Variants in DGKI observed in about 807,000 individuals in gnomAD.
The protein encoded by DGKI is DAG kinase iota.
DGKI carries 55 observed loss-of-function variants against 147.5 expected under a neutral mutation model. The observed-to-expected ratio is 0.37, with a 90% CI of 0.30 to 0.47. The LOEUF is 0.47. Among genes scored for constraint, DGKI ranks in the 20% least tolerant of loss-of-function variants. The probability of loss-of-function intolerance (pLI) is 1.00; values close to 1 mark genes in which losing one functional copy is unlikely to be tolerated. For synonymous variants in DGKI, 469 were observed against 477.1 expected (o/e 0.98, Z 0.22); for missense variants, 1,007 against 1,323.8 (o/e 0.76, Z 3.71).
chr7:137,587,300 A>G (rs1232566925), intron 12 of DGKI, 90 bp from the exon 13 acceptor site: 1 of 922,934 alleles, frequency 1.1e-6, no homozygotes, highest in Non-Finnish European at 1.5e-6. Context: ...TCCAAGAGCT[A>G]AACAGAATGG....
intron 1 of DGKI, among the ~76,000 whole-genome samples, chr7:137,766,683 C>A (rs1796023604): frequency 6.6e-6 from 1 of 152,122 alleles, no homozygotes; most frequent in Admixed American, 6.5e-5. Flanking sequence ...ATTTCTTTTT[C>A]TAGAGAAACT....
intron 7 of DGKI, among the ~76,000 whole-genome samples, chr7:137,622,944 G>C: frequency 6.6e-6 from 1 of 152,192 alleles, no homozygotes; most frequent in Middle Eastern, 3.2e-3. Flanking sequence ...TTCAATGAGT[G>C]TACAGACAAC....
At chr7:137,407,493 G>A (rs780948335) in intron 30 of DGKI, among the ~76,000 whole-genome samples, 8 of 152,056 alleles carry the variant, frequency 5.3e-5, no homozygotes, top group Admixed American at 5.2e-4. Context: ...TCTTCACAAC[G>A]ATGAACCGCA....
chr7:137,798,999 C>T (rs543095253), intron 1 of DGKI, among the ~76,000 whole-genome samples: 3 of 152,090 alleles, frequency 2.0e-5, no homozygotes, highest in Non-Finnish European at 2.9e-5. Context: ...TATAAGGGAA[C>T]GTCCTCAACC....
chr7:137,661,929 CACA>C (rs1026107087), intron 3 of DGKI, among the ~76,000 whole-genome samples: 1 of 152,192 alleles, frequency 6.6e-6, no homozygotes, highest in Non-Finnish European at 1.5e-5. Context: ...TGGCAACATA[CACA>C]ACAAGATTGT....
chr7:137,422,780 A>G (rs1812631087), intron 28 of DGKI, among the ~76,000 whole-genome samples: 1 of 151,228 alleles, frequency 6.6e-6, no homozygotes, highest in Admixed American at 6.6e-5. Flanking sequence ...AATTTTTTGT[A>G]TTTTTAGTAG....
At chr7:137,500,600 C>A (rs1563055693) in intron 21 of DGKI, among the ~76,000 whole-genome samples, 1 of 152,008 alleles carries the variant, frequency 6.6e-6, no homozygotes, top group African/African-American at 2.4e-5. Context: ...ATAGATTTCA[C>A]CACAAATTGT....
chr7:137,548,751 T>C (rs1817948837), intron 20 of DGKI, among the ~76,000 whole-genome samples: 1 of 152,188 alleles, frequency 6.6e-6, no homozygotes, highest in African/African-American at 2.4e-5. Context: ...GCAGATCACT[T>C]GAGCCCAGGA....
chr7:137,797,712 G>C (rs1797076331), intron 1 of DGKI, among the ~76,000 whole-genome samples: 1 of 151,962 alleles, frequency 6.6e-6, no homozygotes. Context: ...TTAGGAAATA[G>C]ATGTTTAACA....
chr7:137,574,650 A>G (rs1437604036), intron 17 of DGKI, among the ~76,000 whole-genome samples: 1 of 152,194 alleles, frequency 6.6e-6, no homozygotes, highest in African/African-American at 2.4e-5. Flanking sequence ...TATTATTGCA[A>G]TAAACTGTGC....
intron 2 of DGKI, among the ~76,000 whole-genome samples, chr7:137,686,650 G>A (rs1258543993): frequency 6.6e-6 from 1 of 152,158 alleles, no homozygotes; most frequent in Non-Finnish European, 1.5e-5. Context: ...TTAAAGAGAA[G>A]TATTAAGTTA....
In DGKI at chr7:137,415,624, G is replaced by A. The variant is rs544235062; in HGVS notation, c.2762-3417C>T. On this transcript the variant is annotated intron_variant, in intron 28 of 32. Coordinates refer to ENST00000614521, the MANE Select transcript of DGKI (RefSeq NM_001321708.2). ...CTCTAATAGGAGAGAAAGAAGGTTAGGAAAGTTGCATGAGGGAGCAGTTAA... is the reference window on the plus strand; with the variant it reads ...CTCTAATAGGAGAGAAAGAAGGTTAAGAAAGTTGCATGAGGGAGCAGTTAA... 5.9e-5 allele frequency among the ~76,000 whole-genome samples: 9 copies of A among 152,310 alleles called. No individual in the cohort carries two copies. In the East Asian group the frequency reaches 1.7e-3, roughly 29 times the overall value.
intron 20 of DGKI, among the ~76,000 whole-genome samples, chr7:137,546,161 G>A (rs947807679): frequency 2.0e-5 from 3 of 152,166 alleles, no homozygotes; most frequent in Admixed American, 1.3e-4. Context: ...TGATAGCAAC[G>A]AAGCCAACAG....
At chr7:137,407,393 T>G (rs1266365944) in intron 30 of DGKI, among the ~76,000 whole-genome samples, 1 of 151,794 alleles carries the variant, frequency 6.6e-6, no homozygotes, top group Non-Finnish European at 1.5e-5. Flanking sequence ...TCAAAGAGAA[T>G]AAAGCGTAAC....
At chr7:137,546,152 G>A (rs909610967) in intron 20 of DGKI, among the ~76,000 whole-genome samples, 6 of 152,180 alleles carry the variant, frequency 3.9e-5, no homozygotes, top group Admixed American at 3.3e-4. Flanking sequence ...AAAAGCCGGT[G>A]ATAGCAACGA....
At chr7:137,826,632 A>G (rs1798065028) in intron 1 of DGKI, among the ~76,000 whole-genome samples, 2 of 151,960 alleles carry the variant, frequency 1.3e-5, no homozygotes, top group African/African-American at 4.8e-5. Context: ...TTGTTCAATG[A>G]TTTCTAGGTA....
chr7:137,593,696 A>T (rs976528279), intron 12 of DGKI, among the ~76,000 whole-genome samples: 2 of 152,214 alleles, frequency 1.3e-5, no homozygotes, highest in African/African-American at 4.8e-5. Context: ...TAGAACATAA[A>T]ATATCTTAAC....
At chr7:137,526,426 T>A (rs1817148507) in intron 20 of DGKI, among the ~76,000 whole-genome samples, 1 of 146,342 alleles carries the variant, frequency 6.8e-6, no homozygotes, top group African/African-American at 2.5e-5. Flanking sequence ...TTTAGGTCAC[T>A]ACCCCAATTC....
intron 28 of DGKI, among the ~76,000 whole-genome samples, chr7:137,424,730 GATT>G (rs1287452018): frequency 1.3e-5 from 2 of 152,202 alleles, no homozygotes; most frequent in African/African-American, 4.8e-5. Flanking sequence ...CACACCAGGA[GATT>G]ATATCTCGCA....
Sources: gnomAD v4.1 joint callset for allele counts (sites outside exome capture counted in the v4.1 genomes callset) on GRCh38, gnomAD v4.1.1 for gene constraint, MANE v1.5 for transcripts, NCBI Gene and HGNC (gene_info 2026-07-23, HGNC 2026-07-21) for gene names.